FXYD2: variants seen among roughly 807,000 people sequenced by gnomAD.
FXYD2 encodes FXYD domain containing ion transport regulator 2.
A neutral mutation model predicts 11.8 loss-of-function variants in FXYD2; 8 were observed. The ratio of observed to expected loss-of-function variants is 0.68; its 90% CI spans 0.40 to 1.22. The LOEUF (loss-of-function observed/expected upper bound fraction) is 1.22, where lower values mean the gene tolerates loss of function less well. Ranked by LOEUF, FXYD2 falls within the 50% of genes most tolerant of loss-of-function variation. The pLI, the probability that FXYD2 is intolerant of heterozygous loss-of-function variation, is 0.01. For synonymous variants in FXYD2, 42 were observed against 33.3 expected, an observed-to-expected ratio of 1.26 and a Z score of -0.90; for missense variants, 92 against 91.8, an observed-to-expected ratio of 1.00 and a Z score of -0.01.
chr11:117,821,175 G>A, intron 3 of FXYD2: 1 of 385,406 alleles, frequency 2.6e-6, no homozygotes, highest in Non-Finnish European at 4.0e-6. Context: ...TCCTGCCTCA[G>A]CCTCCCAAGT....
chr11:117,827,025 C>A (rs749298051), upstream of FXYD2, among the ~76,000 whole-genome samples: 2 of 148,532 alleles, frequency 1.3e-5, no homozygotes, highest in African/African-American at 5.0e-5. Flanking sequence ...GCTCCCACTG[C>A]GGGGGGGAGG....
upstream of FXYD2, among the ~76,000 whole-genome samples, chr11:117,826,822 A>ATCTATCTC (rs751194466): frequency 2.5e-3 from 344 of 138,716 alleles, no homozygotes; most frequent in Non-Finnish European, 4.0e-3. Context: ...CTATCTATCT[A>ATCTATCTC]TCTGTCTATC....
Position 117,822,174 on chromosome 11 carries a change from T to G in FXYD2, c.139+232A>C. The G allele has an allele frequency of 7.0e-7, 1 of 1,430,604 alleles. No homozygotes were observed. The highest frequency in any genetic ancestry group is 1.5e-5 in the South Asian group (1 of 68,936). 88.6% of individuals were successfully genotyped at this position (1,430,604 alleles called of 1,614,324 possible). ...TACCCCGTGGGTTTGCTCTCACTTC[T>G]GCGGCTCCTCCCGGGCCCACTGGAG... On this transcript the variant is annotated intron_variant, in intron 3 of 5. Transcript: ENST00000292079. The surrounding 1 kb of genome is among the most constrained non-coding windows in gnomAD (Gnocchi z 4.7).
In FXYD2 at chr11:117,822,409, G is replaced by A. The variant is rs775583253; in HGVS notation, c.136C>T (p.Leu46Phe). Residue 46 changes from leucine (L) to phenylalanine (F), a missense_variant, in exon 3 of 6, where the codon CTC becomes TTC. Physicochemically the swap from Leu to Phe is conservative, Grantham distance 22. Transcript: ENST00000292079. This position sits in a 1 kb window ranked among gnomAD's most constrained non-coding sequence, Gnocchi z 4.7. ...CCCTGGAGGCCACCCCACTTACTGAGGAGGATGAGGAGCCCCACGATGAAG... is the reference window on the plus strand; with the variant it reads ...CCCTGGAGGCCACCCCACTTACTGAAGAGGATGAGGAGCCCCACGATGAAG... ...LAFIVGLLIL[L>F]SRRFRCGGNK... 1 of 1,557,694 alleles carries A rather than the reference G, an allele frequency of 6.4e-7. No individual in the cohort carries two copies.
chr11:117,827,597 G>A (rs1298353346), upstream of FXYD2, among the ~76,000 whole-genome samples: 1 of 152,196 alleles, frequency 6.6e-6, no homozygotes, highest in Non-Finnish European at 1.5e-5. Context: ...GGTAAAGAAG[G>A]CATTATTATC....
chr11:117,825,377 G>T (rs2056013155), upstream of FXYD2, among the ~76,000 whole-genome samples: 1 of 152,182 alleles, frequency 6.6e-6, no homozygotes, highest in South Asian at 2.1e-4. Context: ...TGCCGCCCTG[G>T]CACTTCCTCC....
At chr11:117,824,751 C>T (rs1218495946), upstream of FXYD2, 15 of 1,596,602 alleles carry the variant, frequency 9.4e-6, no homozygotes, top group Non-Finnish European at 1.3e-5. This position sits in a 1 kb window ranked among gnomAD's most constrained non-coding sequence, Gnocchi z 4.0. Flanking sequence ...GTCTGGCTGC[C>T]TCCACGGGGT....
At chr11:117,826,780 CTAT>C (rs2056045870), upstream of FXYD2, among the ~76,000 whole-genome samples, 1 of 52,346 alleles carries the variant, frequency 1.9e-5, no homozygotes, top group African/African-American at 5.7e-5. Context: ...GTCTGTCTGT[CTAT>C]CTATCTATCT....
upstream of FXYD2, chr11:117,827,921 C>T (rs2056078250): frequency 7.0e-6 from 7 of 1,006,018 alleles, no homozygotes; most frequent in East Asian, 1.8e-4. Flanking sequence ...CTTGTGGGTG[C>T]ACTTGAAAGG....
Position 117,824,464 on chromosome 11 carries a change from G to T in FXYD2, c.25+190C>A. 1 of 656,078 alleles carries T rather than the reference G, an allele frequency of 1.5e-6. No homozygotes were observed. Among genetic ancestry groups the T allele is most frequent in the Non-Finnish European group, 2.8e-6 (1 of 358,922 alleles). The allele number at this position is 656,078 out of a possible 1,614,324, so 40.6% of individuals were successfully genotyped here. ...GCCACTCAAGCTATCTTTCTTTGGG[G>T]TTAAAGCAGGGTCCTCCTTTAAGTT... On this transcript the variant is annotated intron_variant, in intron 1 of 5. Coordinates refer to ENST00000292079, the MANE Select transcript of FXYD2 (RefSeq NM_001680.5). The surrounding 1 kb of genome is among the most constrained non-coding windows in gnomAD (Gnocchi z 4.0).
chr11:117,826,802 ATCTATCTATCTATCTATCTATCTG>A (rs1565303665), upstream of FXYD2, among the ~76,000 whole-genome samples: 65 of 144,874 alleles, frequency 4.5e-4, 1 homozygote, highest in Middle Eastern at 0.022. Context: ...CTATCTATCT[ATCTATCTATCTATCTATCTATCTG>A]TCTATCTATC....
Position 117,824,429 on chromosome 11 carries a change from C to T in FXYD2, c.25+225G>A, listed in dbSNP as rs2055990757. ...CGCTCAGCTCTCCAGCTTCTATCTGCTGCCTTTCTGCCACTCAAGCTATCT... is the reference window on the plus strand; with the variant it reads ...CGCTCAGCTCTCCAGCTTCTATCTGTTGCCTTTCTGCCACTCAAGCTATCT... On this transcript the variant is annotated intron_variant, in intron 1 of 5. Coordinates refer to ENST00000292079, the MANE Select transcript of FXYD2 (RefSeq NM_001680.5). This position sits in a 1 kb window ranked among gnomAD's most constrained non-coding sequence, Gnocchi z 4.0. The T allele has an allele frequency of 1.6e-6, 1 of 625,616 alleles. No homozygotes were observed. The highest frequency in any genetic ancestry group is 2.9e-6 in the Non-Finnish European group (1 of 346,618). 38.8% of individuals were successfully genotyped at this position (625,616 alleles called of 1,614,324 possible). A position where few individuals can be genotyped will look rare whatever the true frequency, so the allele number is the denominator to read the frequency against.
Position 117,820,678 on chromosome 11 carries a change from C to CAAA in FXYD2, c.194_195insTTT (p.Glu65delinsAspLeu), listed in dbSNP as rs748243358. On this transcript the variant is annotated protein_altering_variant, in exon 5 of 6. Transcript: ENST00000292079. Reference sequence around the variant, plus strand: ...CCTCCTAGCATACCTGCTGTTACGGCTCATCTTCATTGATTTGCCTGGTGG... The same window carrying CAAA: ...CCTCCTAGCATACCTGCTGTTACGGCAAATCATCTTCATTGATTTGCCTGGTGG... The CAAA allele has an allele frequency of 6.2e-7, 1 of 1,614,040 alleles. No individual in the cohort carries two copies. The highest frequency in any genetic ancestry group is 1.3e-5 in the African/African-American group (1 of 75,028).
Position 117,822,079 on chromosome 11 carries a change from C to T in FXYD2, c.139+327G>A. 1 of 1,289,278 alleles carries T rather than the reference C, an allele frequency of 7.8e-7. No individual in the cohort carries two copies. Among genetic ancestry groups the T allele is most frequent in the South Asian group, 1.6e-5 (1 of 63,424 alleles). 79.9% of individuals were successfully genotyped at this position (1,289,278 alleles called of 1,614,324 possible). On this transcript the variant is annotated intron_variant, in intron 3 of 5. Coordinates refer to ENST00000292079, the MANE Select transcript of FXYD2 (RefSeq NM_001680.5). This position sits in a 1 kb window ranked among gnomAD's most constrained non-coding sequence, Gnocchi z 4.7. ...GGCAGGTGGGATCATCCCTATTTAA[C>T]AAATGAGTTTGGGACCATGGTTAGC...
intron 3 of FXYD2, chr11:117,821,967 C>A: frequency 9.1e-7 from 1 of 1,095,316 alleles, no homozygotes; most frequent in Non-Finnish European, 1.1e-6. Context: ...TCTTTGTCTC[C>A]CCCAGAACAC....
upstream of FXYD2, among the ~76,000 whole-genome samples, chr11:117,826,851 C>T (rs145867528): frequency 4.8e-4 from 71 of 147,764 alleles, 1 homozygote; most frequent in African/African-American, 1.7e-3. Context: ...TATCCATTGA[C>T]AACCCAGTCA....
rs752142826 is a variant in FXYD2, at chr11:117,824,727, G to C, written c.-49C>G. On this transcript the variant is annotated 5_prime_UTR_variant, in exon 1 of 6. Coordinates refer to ENST00000292079, the MANE Select transcript of FXYD2 (RefSeq NM_001680.5). The surrounding 1 kb of genome is among the most constrained non-coding windows in gnomAD (Gnocchi z 4.0). ...CCACTCCCCTCTTCCTGCTGTCTCT[G>C]CTTTTTGGAGAGTGTCTGGCTGCCT... 2 of 1,610,594 alleles carry C rather than the reference G, an allele frequency of 1.2e-6. No individual in the cohort carries two copies. The highest frequency in any genetic ancestry group is 3.3e-5 in the Admixed American group (2 of 59,736).
At position 117,824,689 on chromosome 11, in the gene FXYD2, G is replaced by A. The variant is rs775779800; in HGVS notation, c.-11C>T. ...CGACAACCCAGTCATTTCCCCAGGT[G>A]AATGGGCTGCCTCCACTCCCCTCTT... On this transcript the variant is annotated 5_prime_UTR_variant, in exon 1 of 6. Coordinates refer to ENST00000292079, the MANE Select transcript of FXYD2 (RefSeq NM_001680.5). This position sits in a 1 kb window ranked among gnomAD's most constrained non-coding sequence, Gnocchi z 4.0. 1.4e-5 allele frequency: 23 copies of A among 1,613,782 alleles called. No homozygotes were observed. Among genetic ancestry groups the A allele is most frequent in the Non-Finnish European group, 1.9e-5 (23 of 1,179,958 alleles).
At chr11:117,827,836 T>C (rs2056076615), upstream of FXYD2, among the ~76,000 whole-genome samples, 1 of 152,204 alleles carries the variant, frequency 6.6e-6, no homozygotes, top group African/African-American at 2.4e-5. Context: ...AGCAGGCCAG[T>C]GACTCCGTAT....
Sources: gnomAD v4.1 joint callset for allele counts (sites outside exome capture counted in the v4.1 genomes callset) on GRCh38, gnomAD v4.1.1 for gene constraint, Gnocchi (gnomAD v3.1) non-coding constraint, MANE v1.5 for transcripts, NCBI Gene and HGNC (gene_info 2026-07-23, HGNC 2026-07-21) for gene names.